The following DAPK1 variants were observed in gnomAD, a reference collection of about 807,000 sequenced individuals.
DAPK1 encodes death-associated protein kinase 1.
A neutral mutation model predicts 144.9 loss-of-function variants in DAPK1; 56 were observed. The ratio of observed to expected loss-of-function variants is 0.39; its 90% confidence interval spans 0.31 to 0.48. The LOEUF is 0.48. Ranked by LOEUF, DAPK1 falls within the 20% of genes least tolerant of loss-of-function variation. DAPK1 has a pLI of 0.95. For missense variants in DAPK1, 1,454 were observed against 1,875.4 expected, an observed-to-expected ratio of 0.78 and a Z score of 4.15; for synonymous variants, 690 against 749.0, an observed-to-expected ratio of 0.92 and a Z score of 1.29.
chr9:87,535,297 GCACA>G (rs2118402054), intron 2 of DAPK1, among the ~76,000 whole-genome samples: 1 of 152,036 alleles, frequency 6.6e-6, no homozygotes, highest in East Asian at 1.9e-4. Flanking sequence ...CAGAAAATCA[GCACA>G]GAGATGCTTA....
rs1564000944 is a variant in DAPK1 at position 87,571,483 on chromosome 9, AC to A, written c.63-33470del. Among the ~76,000 whole-genome samples the A allele has an allele frequency of 1.4e-3, 71 of 51,980 alleles. 13 individuals are homozygous for A. Among genetic ancestry groups the A allele is most frequent in the African/African-American group, 6.9e-3 (64 of 9,276 alleles). 34.1% of individuals were successfully genotyped at this position (51,980 alleles called of 152,430 possible). A position where few individuals can be genotyped will look rare whatever the true frequency, so the allele number is the denominator to read the frequency against. ...CACACACACACACACACCAACACAC[AC>A]ACACACACACCCCAACACACACACA... is the stretch of plus-strand genomic sequence containing the variant. On this transcript the variant is annotated intron_variant, in intron 2 of 25. Coordinates refer to ENST00000408954, the MANE Select transcript of DAPK1 (RefSeq NM_004938.4).
chr9:87,603,454 G>C (rs1231052730), intron 2 of DAPK1, among the ~76,000 whole-genome samples: 1 of 152,152 alleles, frequency 6.6e-6, no homozygotes, highest in African/African-American at 2.4e-5. Flanking sequence ...TTAACAACCT[G>C]TCATGCAAAA....
chr9:87,605,639 C>T (rs555223402), intron 3 of DAPK1, among the ~76,000 whole-genome samples: 1 of 152,090 alleles, frequency 6.6e-6, no homozygotes, highest in East Asian at 1.9e-4. Flanking sequence ...ACTGTTAATT[C>T]CATCAACACT....
rs537605852 is a variant in DAPK1 at position 87,500,566 on chromosome 9, C to T, written c.62+1427C>T. Among the ~76,000 whole-genome samples, 7 of 152,176 alleles carry T rather than the reference C, an allele frequency of 4.6e-5. No homozygotes were observed. The South Asian group carries it at 1.5e-3, about 32-fold the overall frequency. On this transcript the variant is annotated intron_variant, in intron 2 of 25. Transcript: ENST00000408954. Reference sequence around the variant, plus strand: ...TAAGTGTTGTTAGAAAGAGAGATGACTAAAATTAGTTGAGATTATTATATT... The same window carrying T: ...TAAGTGTTGTTAGAAAGAGAGATGATTAAAATTAGTTGAGATTATTATATT...
chr9:87,588,888 T>C (rs1220187659), intron 2 of DAPK1, among the ~76,000 whole-genome samples: 1 of 151,136 alleles, frequency 6.6e-6, no homozygotes, highest in East Asian at 2.0e-4. Context: ...AGCATCTTTT[T>C]CTGGGGGGCG....
At chr9:87,602,513 T>C (rs1354544725) in intron 2 of DAPK1, among the ~76,000 whole-genome samples, 1 of 152,206 alleles carries the variant, frequency 6.6e-6, no homozygotes, top group Non-Finnish European at 1.5e-5. Context: ...ATAAATAAAA[T>C]GGAGAAACTT....
At chr9:87,700,306 A>G in intron 24 of DAPK1, 69 bp downstream of exon 24, 1 of 1,284,100 alleles carries the variant, frequency 7.8e-7, no homozygotes. Flanking sequence ...GGTTTCAGGG[A>G]ACTGCTTCAT....
At chr9:87,630,085 A>G (rs900207521) in intron 3 of DAPK1, among the ~76,000 whole-genome samples, 1 of 152,168 alleles carries the variant, frequency 6.6e-6, no homozygotes, top group Non-Finnish European at 1.5e-5. Flanking sequence ...CCATTTCAGC[A>G]TCAGCCATTG....
chr9:87,518,214 C>T lies in DAPK1; in HGVS notation c.62+19075C>T, dbSNP rs142571309. Reference sequence around the variant, plus strand: ...GCAACCTCCACCTCCCGGGTTCAAGCGATTTTCCTGCCTCAGTCTCCCATG... The same window carrying T: ...GCAACCTCCACCTCCCGGGTTCAAGTGATTTTCCTGCCTCAGTCTCCCATG... On this transcript the variant is annotated intron_variant, in intron 2 of 25. Coordinates refer to ENST00000408954, the MANE Select transcript of DAPK1 (RefSeq NM_004938.4). Among the ~76,000 whole-genome samples, 1,468 of 149,652 alleles carry T rather than the reference C, an allele frequency of 9.8e-3. 14 individuals carry two copies. The highest frequency in any genetic ancestry group is 0.021 in the Middle Eastern group (6 of 290).
chr9:87,640,865 A>T lies in DAPK1; in HGVS notation c.828+18A>T, dbSNP rs745823486. On this transcript the variant is annotated intron_variant, in intron 9 of 25. Transcript: ENST00000408954. ...GGATCAAGGTGAGTTGCATATTACG[A>T]AACTGTTTAGATCACTTTCTATGTG... 6.2e-7 allele frequency: 1 copy of T among 1,612,886 alleles called. No homozygotes were observed. Among genetic ancestry groups the T allele is most frequent in the Non-Finnish European group, 8.5e-7 (1 of 1,178,826 alleles).
chr9:87,680,680 G>T (rs560578215), intron 19 of DAPK1, among the ~76,000 whole-genome samples: 1 of 151,628 alleles, frequency 6.6e-6, no homozygotes, highest in African/African-American at 2.4e-5. Flanking sequence ...CACATTGAAG[G>T]CTTCACAGTT....
intron 2 of DAPK1, among the ~76,000 whole-genome samples, chr9:87,600,924 G>A (rs1462541875): frequency 6.6e-6 from 1 of 152,216 alleles, no homozygotes; most frequent in Non-Finnish European, 1.5e-5. Flanking sequence ...TCCCTGGTCT[G>A]TCTGAGCTCG....
intron 1 of DAPK1, chr9:87,498,670 A>G (rs2117958384): frequency 2.6e-6 from 1 of 378,414 alleles, no homozygotes; most frequent in Middle Eastern, 6.8e-4. Flanking sequence ...GTGCAGAGAA[A>G]GGGGAGGCGG....
intron 2 of DAPK1, among the ~76,000 whole-genome samples, chr9:87,531,253 A>C (rs1825690146): frequency 6.6e-6 from 1 of 152,142 alleles, no homozygotes; most frequent in Non-Finnish European, 1.5e-5. Context: ...TGGTCTATCC[A>C]TACCCGATGT....
intron 2 of DAPK1, among the ~76,000 whole-genome samples, chr9:87,586,740 C>T (rs1461964377): frequency 6.6e-6 from 1 of 152,202 alleles, no homozygotes; most frequent in African/African-American, 2.4e-5. Flanking sequence ...GAATCACTAA[C>T]ATTAACTCTT....
chr9:87,650,112 C>T lies in DAPK1; in HGVS notation c.1620C>T (p.Cys540=), dbSNP rs1004498303. The change falls in exon 16 of 26, where the codon TGC becomes TGT. Residue 540 remains cysteine, a synonymous_variant. Transcript: ENST00000408954. ...AACATGGAGCCGACCTTAATGCTTG[C>T]GACAAGGTGCCTTATGGGGGAAGAC... ...LAEHGADLNA[C]DKDGHIALHL... 13 of 1,613,846 alleles carry T rather than the reference C, an allele frequency of 8.1e-6. No homozygotes were observed. In the African/African-American group the frequency reaches 9.3e-5, roughly 12 times the overall value.
chr9:87,638,132 G>A, intron 4 of DAPK1, 51 bp downstream of exon 4: 1 of 1,526,604 alleles, frequency 6.6e-7, no homozygotes, highest in South Asian at 1.3e-5. Context: ...TCACAGCCTT[G>A]GTTGTTTCTC....
At chr9:87,519,634 C>G (rs571444424) in intron 2 of DAPK1, among the ~76,000 whole-genome samples, 21 of 152,138 alleles carry the variant, frequency 1.4e-4, no homozygotes, top group Non-Finnish European at 2.8e-4. Flanking sequence ...GCCTTTTTCT[C>G]TGCCCTATGT....
chr9:87,536,842 TC>T (rs1825876451), intron 2 of DAPK1, among the ~76,000 whole-genome samples: 3 of 152,232 alleles, frequency 2.0e-5, no homozygotes, highest in Admixed American at 2.0e-4. Flanking sequence ...TATTCAAAAT[TC>T]AACAATGGGG....
Sources: allele counts gnomAD v4.1 joint callset (sites outside exome capture counted in the v4.1 genomes callset), GRCh38; gene constraint gnomAD v4.1.1; transcripts MANE v1.5; gene names NCBI Gene and HGNC (gene_info 2026-07-23, HGNC 2026-07-21).